Variants in UBR3 observed in about 807,000 individuals in gnomAD.
The protein encoded by UBR3 is E3 ubiquitin-protein ligase UBR3.
Under a neutral mutation model 243.2 loss-of-function variants are expected in UBR3, and 85 were observed. That is an observed-to-expected ratio of 0.35 (90% CI 0.29 to 0.42). UBR3 has a LOEUF of 0.42. Ranked by LOEUF, UBR3 falls within the 10% of genes least tolerant of loss-of-function variation. The pLI, the probability that UBR3 is intolerant of heterozygous loss-of-function variation, is 1.00. For missense variants in UBR3, 1,686 were observed against 2,300.8 expected, an observed-to-expected ratio of 0.73 and a Z score of 5.47; for synonymous variants, 748 against 799.8, an observed-to-expected ratio of 0.94 and a Z score of 1.09.
intron 30 of UBR3, among the ~76,000 whole-genome samples, chr2:170,017,767 G>A (rs1359879677): frequency 1.3e-5 from 2 of 152,056 alleles, no homozygotes; most frequent in African/African-American, 2.4e-5. Context: ...CTAAAAATAC[G>A]TGTCTGGGAA....
chr2:170,074,088 A>T (rs1177746976), intron 36 of UBR3, among the ~76,000 whole-genome samples: 1 of 152,190 alleles, frequency 6.6e-6, no homozygotes, highest in Non-Finnish European at 1.5e-5. Context: ...TGTGTATGCC[A>T]TGGTTGGAGT....
At chr2:169,851,418 C>G (rs1053094210) in intron 1 of UBR3, among the ~76,000 whole-genome samples, 1 of 152,144 alleles carries the variant, frequency 6.6e-6, no homozygotes, top group African/African-American at 2.4e-5. Flanking sequence ...CGTGAGCCAT[C>G]GCAGATTATA....
At chr2:169,905,779 T>C (rs960275427) in intron 9 of UBR3, among the ~76,000 whole-genome samples, 4 of 152,238 alleles carry the variant, frequency 2.6e-5, no homozygotes, top group African/African-American at 9.6e-5. Flanking sequence ...TTTTTTTGAC[T>C]TTCTTATCAA....
At chr2:170,000,607 G>A (rs1039331973) in intron 26 of UBR3, among the ~76,000 whole-genome samples, 4 of 152,154 alleles carry the variant, frequency 2.6e-5, no homozygotes, top group Non-Finnish European at 5.9e-5. Context: ...AACAATTTAC[G>A]TTTTTGGCAC....
intron 37 of UBR3, 157 bp from the exon 38 acceptor site, chr2:170,080,388 A>C: frequency 1.2e-6 from 1 of 852,526 alleles, no homozygotes; most frequent in South Asian, 2.2e-5. Context: ...CTAATGTATT[A>C]ATAATAAAGT....
chr2:169,988,925 C>A (rs1009656102), intron 25 of UBR3, among the ~76,000 whole-genome samples: 1 of 152,246 alleles, frequency 6.6e-6, no homozygotes, highest in Non-Finnish European at 1.5e-5. Flanking sequence ...CCCATTGATA[C>A]TTTCCCCCTT....
At chr2:169,885,332 A>G (rs2084048877) in intron 5 of UBR3, among the ~76,000 whole-genome samples, 1 of 152,246 alleles carries the variant, frequency 6.6e-6, no homozygotes, top group African/African-American at 2.4e-5. Context: ...CTGTAATCCC[A>G]GCACTTTGGG....
At chr2:169,850,736 C>T (rs1199989798) in intron 1 of UBR3, among the ~76,000 whole-genome samples, 4 of 151,476 alleles carry the variant, frequency 2.6e-5, no homozygotes, top group Admixed American at 6.6e-5. Context: ...GCCAGCTACT[C>T]GGGAGGCTGA....
chr2:169,878,763 A>G (rs1039490541), intron 5 of UBR3, among the ~76,000 whole-genome samples, 189 bp downstream of exon 5: 22 of 152,144 alleles, frequency 1.4e-4, no homozygotes, highest in African/African-American at 4.3e-4. Context: ...AGATCACACA[A>G]TTACTTAGTG....
intron 37 of UBR3, chr2:170,080,267 T>C (rs1002789869): frequency 4.6e-5 from 26 of 567,588 alleles, no homozygotes; most frequent in Admixed American, 7.0e-5. Context: ...TAATGGTATG[T>C]ACTTTGGAAT....
chr2:169,931,467 A>T (rs1425708270), intron 18 of UBR3, among the ~76,000 whole-genome samples: 1 of 152,068 alleles, frequency 6.6e-6, no homozygotes, highest in African/African-American at 2.4e-5. Flanking sequence ...TAAGATGAAT[A>T]GCTTGTTACA....
At chr2:169,846,298 A>G (rs13006490) in intron 1 of UBR3, among the ~76,000 whole-genome samples, 63,585 of 152,142 alleles carry the variant, frequency 0.42, 15,100 homozygotes, top group Non-Finnish European at 0.54. Context: ...TTATCATTAT[A>G]TAATGTCCTT....
chr2:169,885,510 G>A (rs570174148), intron 5 of UBR3, among the ~76,000 whole-genome samples: 1 of 152,022 alleles, frequency 6.6e-6, no homozygotes, highest in African/African-American at 2.4e-5. Flanking sequence ...CCTAGGAGGC[G>A]GAGCTTGAAG....
At position 169,844,377 on chromosome 2, in the gene UBR3, C is replaced by T. The variant is rs543171795; in HGVS notation, c.545+16325C>T. Among the ~76,000 whole-genome samples, 234 of 152,082 alleles carry T rather than the reference C, an allele frequency of 1.5e-3. 1 individual carries two copies. Among genetic ancestry groups the T allele is most frequent in the Middle Eastern group, 3.4e-3 (1 of 294 alleles). On this transcript the variant is annotated intron_variant, in intron 1 of 38. Coordinates refer to ENST00000272793, the MANE Select transcript of UBR3 (RefSeq NM_172070.4). ...TTATGTGAGCTTTGACAGTTTGAAT[C>T]TTTCATGAAGTTTGTCCATTTCATC...
intron 33 of UBR3, among the ~76,000 whole-genome samples, chr2:170,057,691 G>T (rs776630864): frequency 6.6e-6 from 1 of 151,882 alleles, no homozygotes; most frequent in South Asian, 2.1e-4. Context: ...TCTGAACCTC[G>T]TAATTGTTAG....
At chr2:169,868,557 T>C (rs1254358680) in intron 1 of UBR3, among the ~76,000 whole-genome samples, 2 of 152,218 alleles carry the variant, frequency 1.3e-5, no homozygotes, top group African/African-American at 4.8e-5. Flanking sequence ...GTGATCTGCA[T>C]GCCTTGGCCT....
intron 33 of UBR3, 32 bp downstream of exon 33, chr2:170,055,616 G>A (rs200982423): frequency 6.2e-7 from 1 of 1,609,108 alleles, no homozygotes; most frequent in Non-Finnish European, 8.5e-7. Flanking sequence ...TCATTTAGCA[G>A]GTAGGTGAAG....
At chr2:169,855,376 C>T (rs996221512) in intron 1 of UBR3, among the ~76,000 whole-genome samples, 1 of 150,912 alleles carries the variant, frequency 6.6e-6, no homozygotes, top group Non-Finnish European at 1.5e-5. Flanking sequence ...ATTTATTGAT[C>T]ATTCTTGGGT....
At chr2:169,920,474 T>TAAAAA (rs2085655921) in intron 11 of UBR3, among the ~76,000 whole-genome samples, 1 of 74,696 alleles carries the variant, frequency 1.3e-5, no homozygotes, top group Admixed American at 1.3e-4. Flanking sequence ...AATAATAAAG[T>TAAAAA]AAAAGCAGTA....
Sources: gnomAD v4.1 joint callset for allele counts (sites outside exome capture counted in the v4.1 genomes callset) on GRCh38, gnomAD v4.1.1 for gene constraint, MANE v1.5 for transcripts, NCBI Gene and HGNC (gene_info 2026-07-23, HGNC 2026-07-21) for gene names.